The following CREB5 variants were observed in gnomAD, a reference collection of about 807,000 sequenced individuals.
CREB5 encodes the protein cyclic AMP-responsive element-binding protein 5.
In CREB5, 19 loss-of-function variants were observed where a neutral mutation model predicts 57.1. The ratio of observed to expected loss-of-function variants is 0.33; its 90% CI spans 0.23 to 0.49. The LOEUF is 0.49. Among genes scored for constraint, CREB5 ranks in the 20% least tolerant of loss-of-function variants. The pLI is 0.99. For missense variants in CREB5, 579 were observed against 671.6 expected, an observed-to-expected ratio of 0.86 and a Z score of 1.52; for synonymous variants, 238 against 238.3, an observed-to-expected ratio of 1.00 and a Z score of 0.01.
At chr7:28,334,160 T>C (rs1463436074) in intron 1 of CREB5, among the ~76,000 whole-genome samples, 1 of 152,178 alleles carries the variant, frequency 6.6e-6, no homozygotes, top group East Asian at 1.9e-4. Flanking sequence ...CAGCTTTTTT[T>C]GTTTGATTGT....
chr7:28,390,062 C>G (rs1351167806), intron 1 of CREB5, among the ~76,000 whole-genome samples: 1 of 147,018 alleles, frequency 6.8e-6, no homozygotes, highest in Non-Finnish European at 1.5e-5. Context: ...TTTTTTCAAA[C>G]TCTTAATAGA....
intron 1 of CREB5, among the ~76,000 whole-genome samples, chr7:28,355,691 A>G (rs965835693): frequency 3.9e-5 from 6 of 152,202 alleles, no homozygotes; most frequent in African/African-American, 9.7e-5. Context: ...ACTGATTAAC[A>G]TGTCATCTGA....
intron 5 of CREB5, among the ~76,000 whole-genome samples, chr7:28,710,441 C>T (rs1802346070): frequency 6.6e-6 from 1 of 152,158 alleles, no homozygotes; most frequent in Non-Finnish European, 1.5e-5. Context: ...TAATATCAGA[C>T]TCATGAAGTT....
chr7:28,313,359 C>G (rs1375522888), intron 1 of CREB5, among the ~76,000 whole-genome samples: 1 of 152,168 alleles, frequency 6.6e-6, no homozygotes, highest in Non-Finnish European at 1.5e-5. Flanking sequence ...TCCCTTTTAC[C>G]TATAGGCTGT....
At chr7:28,456,796 C>T (rs1790111079) in intron 1 of CREB5, among the ~76,000 whole-genome samples, 2 of 152,216 alleles carry the variant, frequency 1.3e-5, no homozygotes, top group South Asian at 4.1e-4. Flanking sequence ...TTCTTGCTCT[C>T]TCTTTACAGA....
intron 5 of CREB5, among the ~76,000 whole-genome samples, chr7:28,642,563 C>T (rs1401651748): frequency 6.6e-6 from 1 of 152,144 alleles, no homozygotes; most frequent in Non-Finnish European, 1.5e-5. Flanking sequence ...CATGTTAATG[C>T]TTTAATACGA....
chr7:28,708,367 C>T (rs952773744), intron 5 of CREB5, among the ~76,000 whole-genome samples: 7 of 152,264 alleles, frequency 4.6e-5, no homozygotes, highest in South Asian at 2.1e-4. Flanking sequence ...TATCGTGGAG[C>T]TAATAAATTC....
chr7:28,796,967 C>T (rs936259687), intron 7 of CREB5, among the ~76,000 whole-genome samples: 2 of 152,160 alleles, frequency 1.3e-5, no homozygotes, highest in African/African-American at 4.8e-5. Flanking sequence ...AAGACAGCCA[C>T]TGAGTCCAAG....
intron 4 of CREB5, among the ~76,000 whole-genome samples, chr7:28,557,601 G>T (rs1374240357): frequency 2.0e-5 from 3 of 152,148 alleles, no homozygotes; most frequent in Admixed American, 6.5e-5. Flanking sequence ...GGGTGAAATT[G>T]GTTTCAAGGA....
chr7:28,718,725 T>C, intron 5 of CREB5, 28 bp from the exon 6 acceptor site: 2 of 1,611,232 alleles, frequency 1.2e-6, no homozygotes, highest in Non-Finnish European at 8.5e-7. Flanking sequence ...CCAGGAATCA[T>C]GTTTGTTTGT....
intron 1 of CREB5, among the ~76,000 whole-genome samples, chr7:28,396,737 T>C (rs1787344111): frequency 6.6e-6 from 1 of 152,210 alleles, no homozygotes; most frequent in Non-Finnish European, 1.5e-5. Flanking sequence ...AACTCTTGGC[T>C]GCTATTACTT....
chr7:28,507,666 C>G lies in CREB5; in HGVS notation c.220C>G (p.Leu74Val). The G allele has an allele frequency of 6.2e-7, 1 of 1,612,356 alleles. No homozygotes were observed. ...RFLKNCEEVG[L>V]FSELDCSLEH... is the part of the protein sequence containing the mutation. ...CCTGAAGAACTGCGAGGAGGTGGGCCTCTTCAGCGAGCTGGACTGCTCCCT... is the reference window on the plus strand; with the variant it reads ...CCTGAAGAACTGCGAGGAGGTGGGCGTCTTCAGCGAGCTGGACTGCTCCCT... The change falls in exon 4 of 11, where the codon CTC becomes GTC. Residue 74 changes from leucine (L) to valine (V), a missense_variant. This residue lies in a region of CREB5 where 459 missense variants were observed against 515.7 expected (regional missense o/e 0.89). Transcript: ENST00000357727.
chr7:28,803,217 A>C (rs1228861987), intron 7 of CREB5, among the ~76,000 whole-genome samples: 1 of 152,122 alleles, frequency 6.6e-6, no homozygotes, highest in Non-Finnish European at 1.5e-5. Flanking sequence ...TATTTTCCTC[A>C]CTCCCTTCTC....
intron 7 of CREB5, among the ~76,000 whole-genome samples, chr7:28,726,124 G>A (rs1803322977): frequency 6.6e-6 from 1 of 152,128 alleles, no homozygotes; most frequent in Admixed American, 6.5e-5. Flanking sequence ...CCCCACAAAT[G>A]TTTGTTGGGT....
At chr7:28,580,089 AACC>A (rs1416062745) in intron 5 of CREB5, among the ~76,000 whole-genome samples, 3 of 152,190 alleles carry the variant, frequency 2.0e-5, no homozygotes, top group African/African-American at 7.2e-5. Flanking sequence ...AACTCAGTGA[AACC>A]AGTCTACTTC....
intron 5 of CREB5, among the ~76,000 whole-genome samples, chr7:28,581,424 T>C (rs1346685677): frequency 6.6e-6 from 1 of 152,184 alleles, no homozygotes; most frequent in Non-Finnish European, 1.5e-5. Flanking sequence ...GAAAAGAGTA[T>C]GACAAGACAT....
chr7:28,351,445 G>T (rs921048836), intron 1 of CREB5, among the ~76,000 whole-genome samples: 1 of 152,176 alleles, frequency 6.6e-6, no homozygotes, highest in Non-Finnish European at 1.5e-5. Context: ...GGGAAAGCAG[G>T]TTGCCTGCAC....
chr7:28,815,043 G>A (rs536279480), intron 9 of CREB5, among the ~76,000 whole-genome samples: 11 of 152,336 alleles, frequency 7.2e-5, no homozygotes, highest in Non-Finnish European at 1.5e-4. Flanking sequence ...GGCTGAGGCT[G>A]GAGAATCACT....
intron 7 of CREB5, among the ~76,000 whole-genome samples, chr7:28,747,232 C>T (rs1392361752): frequency 1.3e-5 from 2 of 152,170 alleles, no homozygotes; most frequent in Non-Finnish European, 1.5e-5. Flanking sequence ...TGTGTGCACA[C>T]ACACTTGTGT....
Sources: allele counts gnomAD v4.1 joint callset (sites outside exome capture counted in the v4.1 genomes callset), GRCh38; gene constraint gnomAD v4.1.1; regional missense constraint gnomAD v4.1.1; transcripts MANE v1.5; gene names NCBI Gene and HGNC (gene_info 2026-07-23, HGNC 2026-07-21).